Variants in NEK10 observed in about 807,000 individuals in gnomAD.
NEK10 encodes the protein NIMA related kinase 10, also known as serine/threonine-protein kinase Nek10.
Under a neutral mutation model 159.8 loss-of-function variants are expected in NEK10, and 122 were observed. The observed-to-expected ratio is 0.76, with a 90% CI of 0.66 to 0.89. The LOEUF (loss-of-function observed/expected upper bound fraction) is 0.89, where lower values mean the gene tolerates loss of function less well. Among genes scored for constraint, NEK10 ranks in the 40% least tolerant of loss-of-function variants. The pLI is 0.00. For synonymous variants in NEK10, 466 were observed against 457.1 expected (o/e 1.02, Z -0.25); for missense variants, 1,342 against 1,323.1 (o/e 1.01, Z -0.22).
At chr3:27,300,248 G>A (rs980937762) in intron 13 of NEK10, among the ~76,000 whole-genome samples, 1 of 152,166 alleles carries the variant, frequency 6.6e-6, no homozygotes. Flanking sequence ...AGTCTCACTT[G>A]AGATCTGATT....
intron 31 of NEK10, among the ~76,000 whole-genome samples, chr3:27,132,949 C>G (rs1942788020): frequency 6.6e-6 from 1 of 152,120 alleles, no homozygotes; most frequent in Non-Finnish European, 1.5e-5. Context: ...AAGAATGTAT[C>G]AGAAATAATT....
intron 22 of NEK10, among the ~76,000 whole-genome samples, chr3:27,262,319 C>T (rs1370758757): frequency 6.6e-6 from 1 of 152,120 alleles, no homozygotes; most frequent in Non-Finnish European, 1.5e-5. Flanking sequence ...CTTGGAGTTG[C>T]TCTTCTCAAG....
chr3:27,321,621 A>AAACC (rs2045644758), intron 6 of NEK10, among the ~76,000 whole-genome samples: 3 of 152,198 alleles, frequency 2.0e-5, no homozygotes, highest in African/African-American at 7.2e-5. Context: ...TGCTAGGATT[A>AAACC]TAGGCGTGAG....
chr3:27,130,020 T>C (rs1346502547), intron 32 of NEK10, among the ~76,000 whole-genome samples: 2 of 151,970 alleles, frequency 1.3e-5, no homozygotes, highest in Non-Finnish European at 2.9e-5. Flanking sequence ...TACACCCCCA[T>C]GAAGGTATCA....
chr3:27,363,250 C>T (rs1436169641), intron 1 of NEK10, among the ~76,000 whole-genome samples: 1 of 152,192 alleles, frequency 6.6e-6, no homozygotes, highest in African/African-American at 2.4e-5. Flanking sequence ...AGGGTCACAA[C>T]CCTGCCAAGC....
intron 11 of NEK10, among the ~76,000 whole-genome samples, chr3:27,305,815 T>C (rs913934827): frequency 6.6e-6 from 1 of 152,108 alleles, no homozygotes; most frequent in Non-Finnish European, 1.5e-5. Flanking sequence ...AGCTGTGCCA[T>C]GAAATATTAT....
intron 29 of NEK10, chr3:27,162,943 G>A (rs967058022): frequency 4.3e-5 from 11 of 257,572 alleles, no homozygotes; most frequent in Middle Eastern, 1.9e-3. Context: ...TGACAGAATC[G>A]TCCCACCACA....
chr3:27,360,294 A>G (rs537182954), intron 1 of NEK10, among the ~76,000 whole-genome samples: 1 of 152,360 alleles, frequency 6.6e-6, no homozygotes, highest in East Asian at 1.9e-4. Context: ...ATGAATGAAG[A>G]GAGGTGTAGA....
chr3:27,271,638 G>A (rs74624095), intron 22 of NEK10, among the ~76,000 whole-genome samples: 3,067 of 152,242 alleles, frequency 0.02, 105 homozygotes, highest in African/African-American at 0.071. Flanking sequence ...AGAGAGTTGA[G>A]AGGTATTCTT....
intron 25 of NEK10, among the ~76,000 whole-genome samples, chr3:27,194,853 C>T (rs1276101473): frequency 3.9e-5 from 6 of 152,310 alleles, no homozygotes; most frequent in African/African-American, 1.4e-4. Context: ...ACAATATTCT[C>T]TTAATAGTAC....
intron 3 of NEK10, among the ~76,000 whole-genome samples, chr3:27,351,528 A>T (rs1014200524): frequency 6.6e-6 from 1 of 152,182 alleles, no homozygotes; most frequent in Admixed American, 6.5e-5. Flanking sequence ...AGGGTAATGC[A>T]GGTAAAGCAG....
intron 32 of NEK10, 100 bp from the exon 33 acceptor site, chr3:27,119,968 G>A: frequency 3.8e-6 from 3 of 791,086 alleles, no homozygotes; most frequent in Admixed American, 4.2e-5. Flanking sequence ...TCTCTGCACA[G>A]AAAATTTAGT....
intron 25 of NEK10, 90 bp from the exon 26 acceptor site, chr3:27,192,332 G>A: frequency 1.2e-6 from 1 of 863,930 alleles, no homozygotes; most frequent in South Asian, 1.6e-5. Context: ...TCCACTGTGT[G>A]TCCACTATGG....
chr3:27,275,277 G>A (rs2041687343), intron 22 of NEK10, among the ~76,000 whole-genome samples: 1 of 152,172 alleles, frequency 6.6e-6, no homozygotes, highest in South Asian at 2.1e-4. Flanking sequence ...ACCCACCAAA[G>A]GTGTAAGAAT....
At position 27,283,718 on chromosome 3, in the gene NEK10, G is replaced by A. The variant is rs139377705; in HGVS notation, c.2014+884C>T. On this transcript the variant is annotated intron_variant, in intron 22 of 35. Coordinates refer to ENST00000691995, the MANE Select transcript of NEK10 (RefSeq NM_001394966.1). ...GGAGAAAGTAAGCCTTCTCATTTGC[G>A]AAATTTTATCCAACATCAGGCCTAC... is the stretch of plus-strand genomic sequence containing the variant. 8.7e-3 allele frequency among the ~76,000 whole-genome samples: 1,320 copies of A among 152,224 alleles called. 16 individuals carry two copies. The highest frequency in any genetic ancestry group is 0.029 in the African/African-American group (1,209 of 41,536).
chr3:27,156,086 A>G (rs1403682177), intron 30 of NEK10, among the ~76,000 whole-genome samples: 1 of 152,092 alleles, frequency 6.6e-6, no homozygotes, highest in Non-Finnish European at 1.5e-5. Flanking sequence ...GCTAGCCACA[A>G]GTAGGAAAAG....
At chr3:27,186,800 A>C (rs1238944696) in intron 26 of NEK10, among the ~76,000 whole-genome samples, 1 of 152,198 alleles carries the variant, frequency 6.6e-6, no homozygotes, top group Non-Finnish European at 1.5e-5. Context: ...AGGATGAAGA[A>C]GGCACTGGAG....
intron 22 of NEK10, among the ~76,000 whole-genome samples, chr3:27,274,809 T>A (rs2041648256): frequency 6.6e-6 from 1 of 152,100 alleles, no homozygotes; most frequent in Non-Finnish European, 1.5e-5. Context: ...AGCATAGTAC[T>A]CTGTACCACT....
At chr3:27,169,436 G>A (rs1375016278) in intron 29 of NEK10, among the ~76,000 whole-genome samples, 1 of 152,110 alleles carries the variant, frequency 6.6e-6, no homozygotes, top group Admixed American at 6.6e-5. Flanking sequence ...ACTAAAGAAC[G>A]TCATGAGGTC....
Sources: allele counts gnomAD v4.1 joint callset (sites outside exome capture counted in the v4.1 genomes callset), GRCh38; gene constraint gnomAD v4.1.1; transcripts MANE v1.5; gene names NCBI Gene and HGNC (gene_info 2026-07-23, HGNC 2026-07-21).